MROH7: variants seen among roughly 807,000 people sequenced by gnomAD.
The protein encoded by MROH7 is maestro heat-like repeat-containing protein family member 7.
MROH7 carries 113 observed loss-of-function variants against 129.2 expected under a neutral mutation model. That is an observed-to-expected ratio of 0.87 (90% confidence interval 0.75 to 1.02). The LOEUF (loss-of-function observed/expected upper bound fraction) is 1.02, where lower values mean the gene tolerates loss of function less well. MROH7 is among the 50% of genes least tolerant of loss of function. MROH7 has a pLI of 0.00. For missense variants in MROH7, 1,601 were observed against 1,671.3 expected (o/e 0.96, Z 0.73); for synonymous variants, 655 against 667.9 (o/e 0.98, Z 0.30).
intron 16 of MROH7, among the ~76,000 whole-genome samples, chr1:54,694,743 C>G (rs1460032067): frequency 6.6e-6 from 1 of 152,156 alleles, no homozygotes; most frequent in African/African-American, 2.4e-5. Flanking sequence ...GTGGTCAGGC[C>G]TGAGCCACCG....
chr1:54,707,392 C>G (rs1024819433), intron 22 of MROH7, among the ~76,000 whole-genome samples: 4 of 152,208 alleles, frequency 2.6e-5, no homozygotes, highest in African/African-American at 9.7e-5. Flanking sequence ...ATTCATCCAC[C>G]CATCTGCTGG....
At chr1:54,696,710 T>C (rs1645329846) in intron 17 of MROH7, among the ~76,000 whole-genome samples, 1 of 143,488 alleles carries the variant, frequency 7.0e-6, no homozygotes. Context: ...CTTTCTCTGT[T>C]GCCCAGGTTG....
At position 54,695,457 on chromosome 1, in the gene MROH7, G is replaced by A; in HGVS notation, c.2931G>A (p.Lys977=). The A allele has an allele frequency of 6.2e-7, 1 of 1,613,902 alleles. No homozygotes were observed. The highest frequency in any genetic ancestry group is 2.2e-5 in the East Asian group (1 of 44,878). Residue 977 remains lysine, a synonymous_variant, in exon 17 of 24, where the codon AAG becomes AAA. Transcript: ENST00000421030. ...LIPLLERGDE[K]HRITATAFFV... ...CGCTCCTGGAGCGAGGCGACGAGAA[G>A]CACAGGATCACGGCCACCGCCTTCT...
intron 1 of MROH7, among the ~76,000 whole-genome samples, chr1:54,644,263 T>G (rs1644429703): frequency 1.3e-5 from 2 of 151,946 alleles, no homozygotes; most frequent in Non-Finnish European, 2.9e-5. Flanking sequence ...GTCTATTTTC[T>G]CTTTGTTGTT....
intron 1 of MROH7, among the ~76,000 whole-genome samples, chr1:54,647,928 GAA>G (rs1644493397): frequency 7.6e-6 from 1 of 131,856 alleles, no homozygotes; most frequent in Non-Finnish European, 1.7e-5. Flanking sequence ...AAAAAAAAAA[GAA>G]TGTGGGATAG....
chr1:54,644,138 A>G (rs891820282), intron 1 of MROH7, among the ~76,000 whole-genome samples: 1 of 144,224 alleles, frequency 6.9e-6, no homozygotes, highest in Non-Finnish European at 1.5e-5. Flanking sequence ...CTTGCTAGTA[A>G]TGCTTTTTCA....
chr1:54,696,282 C>T (rs1397879863), intron 17 of MROH7, among the ~76,000 whole-genome samples: 1 of 152,110 alleles, frequency 6.6e-6, no homozygotes, highest in Non-Finnish European at 1.5e-5. Context: ...CTCTAAAACC[C>T]TCCCCTTTCC....
intron 13 of MROH7, among the ~76,000 whole-genome samples, chr1:54,680,335 C>T (rs185951535): frequency 3.3e-5 from 5 of 152,318 alleles, no homozygotes; most frequent in East Asian, 1.9e-4. Context: ...AGCAATAGAA[C>T]GGAGGACCTA....
In MROH7 at chr1:54,701,994, AC is replaced by A. The variant is rs1645443817; in HGVS notation, c.3286-94del. 4.7e-5 allele frequency: 54 copies of A among 1,146,062 alleles called. No individual in the cohort carries two copies. The South Asian group carries it at 1.0e-3, about 22-fold the overall frequency. 71.0% of individuals were successfully genotyped at this position (1,146,062 alleles called of 1,614,324 possible). A position where few individuals can be genotyped will look rare whatever the true frequency, so the allele number is the denominator to read the frequency against. On this transcript the variant is annotated intron_variant, in intron 19 of 23. Transcript: ENST00000421030. ...CTGGGAAGAGTCGGGAGAGTTCCAG[AC>A]CTAGGCTTGAGTGAGAGGAACAATG...
chr1:54,693,113 T>A (rs1040936705), intron 16 of MROH7, among the ~76,000 whole-genome samples: 2 of 152,174 alleles, frequency 1.3e-5, no homozygotes, highest in African/African-American at 4.8e-5. Context: ...GGGTGGATCA[T>A]CTGAGGTTAG....
intron 3 of MROH7, chr1:54,663,685 TAAAAAAAAAAA>T (rs1225623141): frequency 2.2e-5 from 6 of 276,812 alleles, no homozygotes; most frequent in Non-Finnish European, 3.5e-5. Context: ...CCATCAGCTC[TAAAAAAAAAAA>T]AAAAACAAAA....
chr1:54,699,169 T>TTCTTTCTTTCTTTCTTTCTTTCTTTC (rs1645386779), intron 17 of MROH7: 1 of 114,492 alleles, frequency 8.7e-6, no homozygotes, highest in African/African-American at 3.1e-5. Context: ...TTTTCTTTCT[T>TTCTTTCTTTCTTTCTTTCTTTCTTTC]TCTTTCTTTC....
intron 17 of MROH7, among the ~76,000 whole-genome samples, chr1:54,696,659 C>CTTTTTTTT (rs1157748080): frequency 5.5e-4 from 37 of 66,886 alleles, no homozygotes; most frequent in Admixed American, 8.5e-4. Flanking sequence ...AATTTCCTTA[C>CTTTTTTTT]TTTTTTTTTT....
rs765791852 is a variant in MROH7, at chr1:54,653,499, C to T, written c.573C>T (p.His191=). 6.2e-7 allele frequency: 1 copy of T among 1,614,214 alleles called. No individual in the cohort carries two copies. Among genetic ancestry groups the T allele is most frequent in the Non-Finnish European group, 8.5e-7 (1 of 1,180,040 alleles). ...CCAGAGAAGGTCTGGTTCTGGGCCA[C>T]TGCATCTCTAGGCCAAGCTCAAAAG... ...HHSREGLVLG[H]CISRPSSKAL... is the part of the protein sequence containing the mutation. The change falls in exon 3 of 24, where the codon CAC becomes CAT. Residue 191 remains histidine (H), a synonymous_variant. Transcript: ENST00000421030.
intron 14 of MROH7, among the ~76,000 whole-genome samples, chr1:54,683,309 C>T (rs1218899268): frequency 6.6e-6 from 1 of 152,086 alleles, no homozygotes; most frequent in Non-Finnish European, 1.5e-5. Flanking sequence ...TATGAGATAA[C>T]ACATTCATTC....
chr1:54,661,241 CTTATTCT>C (rs1182855478), intron 3 of MROH7, among the ~76,000 whole-genome samples: 1 of 152,042 alleles, frequency 6.6e-6, no homozygotes, highest in East Asian at 1.9e-4. Context: ...GAAATGAGAT[CTTATTCT>C]GTTGCCCAGG....
At position 54,681,585 on chromosome 1, in the gene MROH7, GA is replaced by G. The variant is rs1645070103; in HGVS notation, c.2382-1068del. Among the ~76,000 whole-genome samples the G allele has an allele frequency of 2.6e-5, 4 of 152,362 alleles. No homozygotes were observed. The South Asian group carries it at 8.3e-4, about 32-fold the overall frequency. On this transcript the variant is annotated intron_variant, in intron 13 of 23. Transcript: ENST00000421030. The stretch of plus-strand genomic sequence containing the variant: ...TCAGGTTGCCAGGGGAACAGAGCTA[GA>G]AAGTGAATGGAGGGTTGAAACCCTC...
Position 54,678,790 on chromosome 1 carries a change from AC to A in MROH7, c.1986del (p.Asn662LysfsTer11). On this transcript the variant is annotated frameshift_variant, in exon 11 of 24. Coordinates refer to ENST00000421030, the MANE Select transcript of MROH7 (RefSeq NM_001039464.4). LOFTEE classifies it high-confidence loss of function. Reference sequence around the variant, plus strand: ...AACAAAAAGGAGCTATATGAGAGCAACAAGCATTTCCTGGGGCCCTACAACC... The same window carrying A: ...AACAAAAAGGAGCTATATGAGAGCAAAAGCATTTCCTGGGGCCCTACAACC... ...ETNKKELYES[N>X]KHFLGPYNPV... 1 of 1,614,140 alleles carries A rather than the reference AC, an allele frequency of 6.2e-7. No homozygotes were observed. Among genetic ancestry groups the A allele is most frequent in the Non-Finnish European group, 8.5e-7 (1 of 1,180,008 alleles).
intron 3 of MROH7, among the ~76,000 whole-genome samples, chr1:54,657,306 T>C (rs1160408081): frequency 6.6e-6 from 1 of 152,100 alleles, no homozygotes; most frequent in Admixed American, 6.6e-5. Context: ...TGCCTCAGCC[T>C]CCCAAAGTGC....
Sources: allele counts gnomAD v4.1 joint callset (sites outside exome capture counted in the v4.1 genomes callset), GRCh38; gene constraint gnomAD v4.1.1; transcripts MANE v1.5; gene names NCBI Gene and HGNC (gene_info 2026-07-23, HGNC 2026-07-21).